Variants in MYO5A observed in about 807,000 individuals in gnomAD.
MYO5A encodes unconventional myosin-Va.
Under a neutral mutation model 249.7 loss-of-function variants are expected in MYO5A, and 98 were observed. That is an observed-to-expected ratio of 0.39 (90% CI 0.33 to 0.46). The LOEUF (loss-of-function observed/expected upper bound fraction) is 0.46, where lower values mean the gene tolerates loss of function less well. MYO5A is among the 20% of genes least tolerant of loss of function. The pLI is 0.98. For synonymous variants in MYO5A, 778 were observed against 810.6 expected (o/e 0.96, Z 0.68); for missense variants, 1,696 against 2,308.8 (o/e 0.73, Z 5.44).
At chr15:52,368,781 A>AAAATG (rs925137924) in intron 22 of MYO5A, among the ~76,000 whole-genome samples, 4 of 152,164 alleles carry the variant, frequency 2.6e-5, no homozygotes, top group African/African-American at 9.7e-5. Context: ...GAAGTGGGAG[A>AAAATG]AAATGAAATG....
intron 36 of MYO5A, chr15:52,323,715 T>C (rs2038440674): frequency 2.7e-6 from 1 of 370,034 alleles, no homozygotes. Flanking sequence ...CAGAAAAAAA[T>C]TCACCCGGCT....
chr15:52,387,965 T>A, intron 13 of MYO5A, 53 bp from the exon 14 acceptor site: 2 of 1,234,376 alleles, frequency 1.6e-6, no homozygotes, highest in South Asian at 2.4e-5. Context: ...GAATAGATAT[T>A]ATAATCATCA....
intron 12 of MYO5A, among the ~76,000 whole-genome samples, chr15:52,390,482 A>G (rs1292130065): frequency 3.3e-5 from 5 of 152,078 alleles, no homozygotes; most frequent in African/African-American, 1.2e-4. Flanking sequence ...TCTATAATTC[A>G]GAAAGATATA....
chr15:52,397,671 G>T (rs770740663), intron 9 of MYO5A, among the ~76,000 whole-genome samples: 4 of 152,032 alleles, frequency 2.6e-5, no homozygotes, highest in Admixed American at 6.6e-5. Context: ...CTCTTCTGGG[G>T]CTCACTTCAA....
intron 35 of MYO5A, among the ~76,000 whole-genome samples, chr15:52,329,853 C>T (rs1440080591): frequency 6.7e-6 from 1 of 150,164 alleles, no homozygotes; most frequent in East Asian, 1.9e-4. Context: ...ATCCTCCCAT[C>T]TCAGCCTTTT....
intron 11 of MYO5A, among the ~76,000 whole-genome samples, chr15:52,394,551 C>A (rs985866128): frequency 6.6e-6 from 1 of 151,988 alleles, no homozygotes; most frequent in Admixed American, 6.6e-5. Flanking sequence ...GAAGAGGGGG[C>A]AGAGCAGTTG....
intron 20 of MYO5A, among the ~76,000 whole-genome samples, chr15:52,373,387 T>C (rs1346676569): frequency 6.6e-6 from 1 of 152,216 alleles, no homozygotes; most frequent in African/African-American, 2.4e-5. Flanking sequence ...GCTTCTCCCA[T>C]GTAACTTTGG....
chr15:52,513,544 C>T (rs34003115), intron 1 of MYO5A, among the ~76,000 whole-genome samples: 117,552 of 150,492 alleles, frequency 0.78, 46,451 homozygotes, highest in South Asian at 0.84. Context: ...CCTGACTCAG[C>T]GTCCTGAGTA....
chr15:52,421,920 C>T (rs1326371177), intron 4 of MYO5A, among the ~76,000 whole-genome samples: 1 of 152,094 alleles, frequency 6.6e-6, no homozygotes, highest in Non-Finnish European at 1.5e-5. Flanking sequence ...TAACTTATTT[C>T]AAGCAAATTT....
At chr15:52,432,041 A>G (rs1463934738) in intron 2 of MYO5A, among the ~76,000 whole-genome samples, 1 of 152,210 alleles carries the variant, frequency 6.6e-6, no homozygotes, top group Non-Finnish European at 1.5e-5. Context: ...AAGCTGGAAC[A>G]ATTTAATTGA....
intron 1 of MYO5A, among the ~76,000 whole-genome samples, chr15:52,440,725 A>C (rs1169571787): frequency 6.6e-6 from 1 of 152,218 alleles, no homozygotes; most frequent in South Asian, 2.1e-4. Flanking sequence ...CTGATGCCCC[A>C]GACACTTTTG....
intron 1 of MYO5A, among the ~76,000 whole-genome samples, chr15:52,440,651 T>C (rs4776046): frequency 0.49 from 74,464 of 152,056 alleles, 21,589 homozygotes; most frequent in Non-Finnish European, 0.64. Context: ...CACTGGAAGT[T>C]TTGCTAACTT....
chr15:52,482,440 T>A (rs1357513633), intron 1 of MYO5A, among the ~76,000 whole-genome samples: 1 of 152,162 alleles, frequency 6.6e-6, no homozygotes, highest in African/African-American at 2.4e-5. Flanking sequence ...TGATCCATAC[T>A]CTAACAACTC....
chr15:52,432,260 T>C (rs1313549266), intron 2 of MYO5A, among the ~76,000 whole-genome samples: 3 of 152,178 alleles, frequency 2.0e-5, no homozygotes, highest in African/African-American at 7.2e-5. Flanking sequence ...GACACAGTAA[T>C]GAACACTGGG....
intron 9 of MYO5A, among the ~76,000 whole-genome samples, chr15:52,401,903 T>C (rs999134022): frequency 3.9e-5 from 6 of 152,252 alleles, no homozygotes; most frequent in African/African-American, 1.4e-4. Flanking sequence ...TTCTAGCTTA[T>C]CAGTTTTCTC....
rs939132020 is a variant in MYO5A, at chr15:52,310,422, G to C, written c.*3274C>G. ...AGTCTGCATGTAGTAAGGTGAATGG[G>C]GAGGGGATTATTAAGATAAAGAACT... On this transcript the variant is annotated 3_prime_UTR_variant, in exon 42 of 42. Coordinates refer to ENST00000399233, the MANE Select transcript of MYO5A (RefSeq NM_001382347.1). The C allele has an allele frequency of 6.6e-6, 1 of 152,234 alleles. No homozygotes were observed. Among genetic ancestry groups the C allele is most frequent in the Non-Finnish European group, 1.5e-5 (1 of 68,044 alleles). 9.4% of individuals were successfully genotyped at this position (152,234 alleles called of 1,614,324 possible). A position where few individuals can be genotyped will look rare whatever the true frequency, so the allele number is the denominator to read the frequency against.
intron 1 of MYO5A, among the ~76,000 whole-genome samples, chr15:52,510,600 T>C (rs1051218347): frequency 1.3e-5 from 2 of 152,190 alleles, no homozygotes; most frequent in Admixed American, 6.5e-5. Context: ...CATTAGATTC[T>C]CATAGGAGCA....
chr15:52,458,138 G>T (rs560907655), intron 1 of MYO5A, among the ~76,000 whole-genome samples: 1 of 152,340 alleles, frequency 6.6e-6, no homozygotes, highest in East Asian at 1.9e-4. Context: ...AGAGAGGTTA[G>T]TTAATGGGTA....
intron 14 of MYO5A, among the ~76,000 whole-genome samples, chr15:52,386,202 G>T (rs1052950679): frequency 4.6e-5 from 7 of 151,946 alleles, no homozygotes; most frequent in Non-Finnish European, 8.8e-5. Context: ...CCAGCTACTT[G>T]GGAGGCTGAT....
Sources: allele counts gnomAD v4.1 joint callset (sites outside exome capture counted in the v4.1 genomes callset), GRCh38; gene constraint gnomAD v4.1.1; transcripts MANE v1.5; gene names NCBI Gene and HGNC (gene_info 2026-07-23, HGNC 2026-07-21).